The following ZBTB20 variants were observed in gnomAD, a reference collection of about 807,000 sequenced individuals.
The protein encoded by ZBTB20 is zinc finger and BTB domain containing 20.
ZBTB20 carries 9 observed loss-of-function variants against 56.9 expected under a neutral mutation model. The ratio of observed to expected loss-of-function variants is 0.16; its 90% CI spans 0.10 to 0.28. The LOEUF (loss-of-function observed/expected upper bound fraction) is 0.28, where lower values mean the gene tolerates loss of function less well. ZBTB20 is among the 10% of genes least tolerant of loss of function. The pLI, the probability that ZBTB20 is intolerant of heterozygous loss-of-function variation, is 1.00. For synonymous variants in ZBTB20, 417 were observed against 420.7 expected, an observed-to-expected ratio of 0.99 and a Z score of 0.11; for missense variants, 655 against 1,003.0, an observed-to-expected ratio of 0.65 and a Z score of 4.69.
At chr3:115,057,498 AT>A (rs1221834604) in intron 2 of ZBTB20, among the ~76,000 whole-genome samples, 2 of 152,158 alleles carry the variant, frequency 1.3e-5, no homozygotes, top group African/African-American at 4.8e-5. Flanking sequence ...TATTTATGTA[AT>A]TTATGTCAAA....
Position 114,351,827 on chromosome 3 carries a change from T to C in ZBTB20, c.251A>G (p.His84Arg). The change falls in exon 11 of 12, where the codon CAC (histidine) becomes CGC (arginine). Residue 84 changes from histidine (H) to arginine (R), a missense_variant. This residue lies in a region of ZBTB20 where 57 missense variants were observed against 99.1 expected (regional missense o/e 0.58). Transcript: ENST00000675478. ...CTCGAGCACGGAATTGCTGAAGTTG[T>C]GAAGGTTGATGCTGTGAATGCGCTC... ...MTERIHSINL[H>R]NFSNSVLETL... The C allele has an allele frequency of 6.2e-7, 1 of 1,605,282 alleles. No homozygotes were observed. The highest frequency in any genetic ancestry group is 1.1e-5 in the South Asian group (1 of 90,928).
chr3:114,351,061 G>A lies in ZBTB20; in HGVS notation c.1017C>T (p.Tyr339=). ...IKQEMEDDYD[Y]YGQQRVQILE... ...GGATCTGCACCCTTTGCTGCCCGTA[G>A]TAGTCGTAATCGTCCTCCATCTCCT... The change falls in exon 11 of 12, where the codon TAC becomes TAT. Residue 339 remains tyrosine, a synonymous_variant. Transcript: ENST00000675478. 6.2e-7 allele frequency: 1 copy of A among 1,611,724 alleles called. No individual in the cohort carries two copies. Among genetic ancestry groups the A allele is most frequent in the Non-Finnish European group, 8.5e-7 (1 of 1,179,898 alleles).
intron 6 of ZBTB20, among the ~76,000 whole-genome samples, chr3:114,644,018 A>G (rs567070562): frequency 1.5e-4 from 23 of 152,204 alleles, no homozygotes; most frequent in African/African-American, 4.8e-4. Flanking sequence ...GACCATTTGG[A>G]CAAATATTAT....
intron 4 of ZBTB20, among the ~76,000 whole-genome samples, chr3:114,862,931 C>T (rs1020109051): frequency 6.6e-6 from 1 of 152,048 alleles, no homozygotes; most frequent in African/African-American, 2.4e-5. Context: ...TTATTGAATA[C>T]ATACTATGTG....
chr3:114,386,346 C>T (rs1298842638), intron 8 of ZBTB20, among the ~76,000 whole-genome samples: 1 of 151,900 alleles, frequency 6.6e-6, no homozygotes, highest in East Asian at 1.9e-4. Flanking sequence ...CTGTATCAGT[C>T]AGGATCCTGG....
At chr3:115,097,337 C>T (rs955311389) in intron 1 of ZBTB20, among the ~76,000 whole-genome samples, 75 of 152,138 alleles carry the variant, frequency 4.9e-4, no homozygotes, top group African/African-American at 1.7e-3. Context: ...CACCACCACG[C>T]CCAGGTAGTT....
At chr3:114,952,250 G>A (rs559545896) in intron 3 of ZBTB20, among the ~76,000 whole-genome samples, 2 of 152,166 alleles carry the variant, frequency 1.3e-5, no homozygotes, top group East Asian at 1.9e-4. Flanking sequence ...TAATGTGGGA[G>A]TTTATTAGTT....
chr3:114,563,771 AAGAC>A (rs537734888), intron 6 of ZBTB20, among the ~76,000 whole-genome samples: 365 of 152,304 alleles, frequency 2.4e-3, no homozygotes, highest in Middle Eastern at 0.01. Flanking sequence ...TGATGCCACA[AAGAC>A]AGCCTAGAAA....
chr3:114,580,926 C>T (rs2054581207), intron 6 of ZBTB20, among the ~76,000 whole-genome samples: 2 of 151,722 alleles, frequency 1.3e-5, no homozygotes, highest in African/African-American at 4.8e-5. Context: ...AAGACTTTTG[C>T]CAAACTTGAC....
In ZBTB20 at chr3:114,658,285, G is replaced by A. The variant is rs375099282; in HGVS notation, c.-295+35243C>T. The A allele has an allele frequency of 4.6e-5, 7 of 152,272 alleles. No individual in the cohort carries two copies. The East Asian group carries it at 5.8e-4, about 13-fold the overall frequency. The allele number at this position is 152,272 out of a possible 1,614,324, so 9.4% of individuals were successfully genotyped here. On this transcript the variant is annotated intron_variant, in intron 6 of 11. Coordinates refer to ENST00000675478, the MANE Select transcript of ZBTB20 (RefSeq NM_001348800.3). ...GAAGTTGAACATGTGGTACAGTTGT[G>A]TAGGGAAAATGGATAACTCTTATCT... is the stretch of plus-strand genomic sequence containing the variant.
At chr3:114,429,832 T>C (rs765555189) in intron 7 of ZBTB20, among the ~76,000 whole-genome samples, 1 of 152,204 alleles carries the variant, frequency 6.6e-6, no homozygotes, top group Non-Finnish European at 1.5e-5. Flanking sequence ...TTAGAGATGA[T>C]TTAAAGTACA....
intron 7 of ZBTB20, among the ~76,000 whole-genome samples, chr3:114,473,218 C>A (rs1203509122): frequency 6.6e-6 from 1 of 152,178 alleles, no homozygotes; most frequent in Non-Finnish European, 1.5e-5. Flanking sequence ...CCGTCCTACC[C>A]CTTCGGCACA....
chr3:114,806,409 G>T (rs1478008862), intron 4 of ZBTB20, among the ~76,000 whole-genome samples: 1 of 151,878 alleles, frequency 6.6e-6, no homozygotes, highest in Non-Finnish European at 1.5e-5. Flanking sequence ...TCGGTGAATT[G>T]TCAAATATTT....
chr3:114,571,288 G>C (rs758988960), intron 6 of ZBTB20, among the ~76,000 whole-genome samples: 1 of 152,124 alleles, frequency 6.6e-6, no homozygotes, highest in African/African-American at 2.4e-5. Context: ...AAGTTCTATA[G>C]ATAGCAATTC....
At chr3:114,407,650 C>G (rs1048451250) in intron 7 of ZBTB20, among the ~76,000 whole-genome samples, 7 of 152,132 alleles carry the variant, frequency 4.6e-5, no homozygotes, top group African/African-American at 1.4e-4. Flanking sequence ...AATGGGAACT[C>G]TGGCCTGACT....
intron 4 of ZBTB20, among the ~76,000 whole-genome samples, chr3:114,881,090 C>A (rs2076381339): frequency 6.6e-6 from 1 of 152,044 alleles, no homozygotes; most frequent in Non-Finnish European, 1.5e-5. Flanking sequence ...TTTCACATTT[C>A]ACCTATATTT....
At chr3:114,990,057 A>G (rs1241127634) in intron 2 of ZBTB20, among the ~76,000 whole-genome samples, 2 of 152,162 alleles carry the variant, frequency 1.3e-5, no homozygotes, top group Non-Finnish European at 2.9e-5. Flanking sequence ...AACAGGGACA[A>G]TTTGACTTCC....
intron 4 of ZBTB20, among the ~76,000 whole-genome samples, chr3:114,837,636 G>A (rs1224445336): frequency 6.6e-6 from 1 of 152,074 alleles, no homozygotes; most frequent in Non-Finnish European, 1.5e-5. Flanking sequence ...TTCTCAGGGA[G>A]AGCAATCCGG....
intron 2 of ZBTB20, among the ~76,000 whole-genome samples, chr3:115,052,981 A>G (rs947196111): frequency 8.5e-5 from 13 of 152,112 alleles, no homozygotes; most frequent in Non-Finnish European, 1.5e-4. Flanking sequence ...AGTTTTTTGT[A>G]CTCTTCAGTA....
Sources: gnomAD v4.1 joint callset for allele counts (sites outside exome capture counted in the v4.1 genomes callset) on GRCh38, gnomAD v4.1.1 for gene constraint, gnomAD v4.1.1 regional missense constraint, MANE v1.5 for transcripts, NCBI Gene and HGNC (gene_info 2026-07-23, HGNC 2026-07-21) for gene names.